DAB1: variants seen among roughly 807,000 people sequenced by gnomAD.
The protein encoded by DAB1 is disabled homolog 1.
A neutral mutation model predicts 64.6 loss-of-function variants in DAB1; 15 were observed. That is an observed-to-expected ratio of 0.23 (90% CI 0.16 to 0.36). The LOEUF (loss-of-function observed/expected upper bound fraction) is 0.36. DAB1 is among the 10% of genes least tolerant of loss of function. The probability of loss-of-function intolerance (pLI) is 1.00; values close to 1 mark genes in which losing one functional copy is unlikely to be tolerated. For missense variants in DAB1, 596 were observed against 706.7 expected, an observed-to-expected ratio of 0.84 and a Z score of 1.78; for synonymous variants, 235 against 251.9, an observed-to-expected ratio of 0.93 and a Z score of 0.64.
chr1:58,507,364 A>G (rs1259000042), intron 2 of DAB1, among the ~76,000 whole-genome samples: 1 of 152,006 alleles, frequency 6.6e-6, no homozygotes, highest in East Asian at 1.9e-4. Flanking sequence ...AGGCAAATAT[A>G]TTAATAGAAC....
At chr1:58,108,274 A>C (rs915891441) in intron 5 of DAB1, among the ~76,000 whole-genome samples, 5 of 152,182 alleles carry the variant, frequency 3.3e-5, no homozygotes, top group African/African-American at 1.2e-4. Flanking sequence ...GTGTGAGATG[A>C]GGGTGAAGTT....
chr1:57,061,057 G>C (rs1454436357), intron 9 of DAB1, among the ~76,000 whole-genome samples: 2 of 152,124 alleles, frequency 1.3e-5, no homozygotes, highest in Non-Finnish European at 1.5e-5. Flanking sequence ...ATGTTTCAGT[G>C]ACAAGGGGGC....
In DAB1 at chr1:57,071,629, T is replaced by C. The variant is rs780807305; in HGVS notation, c.451A>G (p.Ile151Val). The C allele has an allele frequency of 1.2e-6, 2 of 1,613,386 alleles. No homozygotes were observed. The highest frequency in any genetic ancestry group is 1.1e-5 in the South Asian group (1 of 91,034). The change falls in exon 6 of 15, where the codon ATT becomes GTT. Residue 151 changes from isoleucine (I) to valine (V), a missense_variant. Ile to Val is a conservative substitution (Grantham distance 29). Coordinates refer to ENST00000371236, the MANE Select transcript of DAB1 (RefSeq NM_001365792.1). ...TGAAAGAGATCTCTCAAGTCCAGAATAACAGGTTCAGCCTGGGATGAAAGG... is the reference window on the plus strand; with the variant it reads ...TGAAAGAGATCTCTCAAGTCCAGAACAACAGGTTCAGCCTGGGATGAAAGG... ...IKTAQAAEPV[I>V]LDLRDLFQLI...
At chr1:57,480,349 G>A (rs1196787517) in intron 7 of DAB1, among the ~76,000 whole-genome samples, 1 of 152,126 alleles carries the variant, frequency 6.6e-6, no homozygotes, top group Non-Finnish European at 1.5e-5. Context: ...CATGTGGGAT[G>A]AGATATATTT....
At chr1:58,329,481 G>A (rs1043527587) in intron 4 of DAB1, among the ~76,000 whole-genome samples, 1 of 152,224 alleles carries the variant, frequency 6.6e-6, no homozygotes, top group African/African-American at 2.4e-5. Context: ...TCTCACTTGT[G>A]TTATAGTCAT....
intron 2 of DAB1, among the ~76,000 whole-genome samples, chr1:57,273,307 A>G (rs570786800): frequency 1.3e-4 from 20 of 152,282 alleles, no homozygotes; most frequent in African/African-American, 3.8e-4. Flanking sequence ...TCTACCTGCT[A>G]CATTCAGACA....
At chr1:58,533,668 T>C (rs1453432643) in intron 1 of DAB1, among the ~76,000 whole-genome samples, 4 of 152,176 alleles carry the variant, frequency 2.6e-5, no homozygotes, top group Non-Finnish European at 4.4e-5. Context: ...GTTTAAAATT[T>C]AATTTGAAAT....
chr1:57,954,541 G>C (rs1342918250), intron 5 of DAB1, among the ~76,000 whole-genome samples: 3 of 151,982 alleles, frequency 2.0e-5, no homozygotes, highest in African/African-American at 7.3e-5. Flanking sequence ...GGAAAAAGTA[G>C]AGACTACACA....
Position 57,522,615 on chromosome 1 carries a change from G to A in DAB1, n.625+126977C>T, listed in dbSNP as rs374374305. ...AAGGAGATGTTTATGGGTTCAAGTTGATAAGGGGTGGACTTGTGATGGTTA... is the reference window on the plus strand; with the variant it reads ...AAGGAGATGTTTATGGGTTCAAGTTAATAAGGGGTGGACTTGTGATGGTTA... On this transcript the variant is annotated intron_variant and non_coding_transcript_variant, in intron 7 of 20. Transcript: ENST00000485760. Among the ~76,000 whole-genome samples, 8 of 152,310 alleles carry A rather than the reference G, an allele frequency of 5.3e-5. No individual in the cohort carries two copies. In the East Asian group the frequency reaches 1.2e-3, roughly 22 times the overall value.
chr1:57,202,752 T>C (rs1172862416), intron 2 of DAB1, among the ~76,000 whole-genome samples: 1 of 152,214 alleles, frequency 6.6e-6, no homozygotes, highest in African/African-American at 2.4e-5. Flanking sequence ...GTACCAATTA[T>C]CTTTTTTCTG....
chr1:57,245,647 T>C (rs879537986), intron 2 of DAB1, among the ~76,000 whole-genome samples: 1 of 152,234 alleles, frequency 6.6e-6, no homozygotes, highest in Non-Finnish European at 1.5e-5. Context: ...TTCCATGGTG[T>C]ATATGTGCCA....
chr1:58,346,369 G>T (rs1569666904), intron 3 of DAB1, among the ~76,000 whole-genome samples: 1 of 152,172 alleles, frequency 6.6e-6, no homozygotes, highest in East Asian at 1.9e-4. Flanking sequence ...GCCGGTGCTC[G>T]TTATTTCATA....
At chr1:57,475,261 A>G (rs904217827) in intron 7 of DAB1, among the ~76,000 whole-genome samples, 9 of 152,186 alleles carry the variant, frequency 5.9e-5, no homozygotes, top group African/African-American at 2.2e-4. Flanking sequence ...TGGGTGACAG[A>G]GCAAGACTCT....
intron 4 of DAB1, among the ~76,000 whole-genome samples, chr1:57,085,490 C>T (rs763311616): frequency 6.6e-6 from 1 of 152,252 alleles, no homozygotes; most frequent in Non-Finnish European, 1.5e-5. Flanking sequence ...AATGGGGCAT[C>T]TGCCTTGATC....
chr1:58,523,517 G>A (rs541683053), intron 2 of DAB1, among the ~76,000 whole-genome samples: 13 of 152,262 alleles, frequency 8.5e-5, no homozygotes, highest in Admixed American at 2.0e-4. Flanking sequence ...TAGGAATGTT[G>A]TGTTTGGGGG....
chr1:57,142,821 G>T lies in DAB1; in HGVS notation c.207+2469C>A, dbSNP rs74077266. 3.9e-3 allele frequency among the ~76,000 whole-genome samples: 591 copies of T among 152,250 alleles called. 4 individuals carry two copies. Among genetic ancestry groups the T allele is most frequent in the African/African-American group, 0.014 (562 of 41,544 alleles). ...CCTGGTGAATGGTCATCTCCCAGAT[G>T]CTGGGAGCATGAGCTCTTTTCTCCT... On this transcript the variant is annotated intron_variant, in intron 3 of 14. Coordinates refer to ENST00000371236, the MANE Select transcript of DAB1 (RefSeq NM_001365792.1).
intron 1 of DAB1, among the ~76,000 whole-genome samples, chr1:57,418,534 C>T (rs1570488526): frequency 6.6e-6 from 1 of 152,104 alleles, no homozygotes; most frequent in Admixed American, 6.6e-5. Context: ...TCAAGAGGGC[C>T]GATTTGGGTT....
At chr1:57,129,265 T>C (rs748569341) in intron 4 of DAB1, among the ~76,000 whole-genome samples, 2 of 152,132 alleles carry the variant, frequency 1.3e-5, no homozygotes, top group Non-Finnish European at 2.9e-5. Flanking sequence ...AATTATCTCA[T>C]GGAGGCAGGT....
At chr1:57,435,825 A>G (rs955110539) in intron 7 of DAB1, among the ~76,000 whole-genome samples, 9 of 152,146 alleles carry the variant, frequency 5.9e-5, no homozygotes, top group Admixed American at 4.6e-4. Context: ...AGAGTATAAT[A>G]AATATATAGT....
Sources: gnomAD v4.1 joint callset for allele counts (sites outside exome capture counted in the v4.1 genomes callset) on GRCh38, gnomAD v4.1.1 for gene constraint, MANE v1.5 for transcripts, NCBI Gene and HGNC (gene_info 2026-07-23, HGNC 2026-07-21) for gene names.